Variants in DYSF observed in about 807,000 individuals in gnomAD.
The protein encoded by DYSF is dystrophy-associated fer-1-like 1.
A neutral mutation model predicts 274.9 loss-of-function variants in DYSF; 212 were observed. The observed-to-expected ratio is 0.77, with a 90% CI of 0.69 to 0.86. The LOEUF is 0.86. Among genes scored for constraint, DYSF ranks in the 40% least tolerant of loss-of-function variants. The pLI is 0.00. For missense variants in DYSF, 2,666 were observed against 2,783.2 expected (o/e 0.96, Z 0.95); for synonymous variants, 1,091 against 1,078.7 (o/e 1.01, Z -0.22).
chr2:71,511,889 C>T lies in DYSF; in HGVS notation c.428C>T (p.Ser143Phe), dbSNP rs777108651. Residue 143 changes from serine (S) to phenylalanine (F), a missense_variant, in exon 5 of 56, where the codon TCC becomes TTC. By Grantham distance (155) the Ser-to-Phe change is radical. This residue lies in a region of DYSF where 794 missense variants were observed against 777.1 expected (regional missense o/e 1.02). Transcript: ENST00000410020. ...LFPPPTPLEPSPTLPDLDVVA... is the reference protein window; with the variant it reads ...LFPPPTPLEPFPTLPDLDVVA... ...CCGCCCCCTACTCCTCTGGAGCCCT[C>T]CCCGACTCTGCCTGACCTGGATGTA... The T allele has an allele frequency of 6.4e-7, 1 of 1,551,290 alleles. No homozygotes were observed. The highest frequency in any genetic ancestry group is 1.2e-5 in the South Asian group (1 of 84,028).
rs1159294834 is a variant in DYSF, at chr2:71,582,106, CAA to C, written c.3403-7461_3403-7460del. 9.4e-3 allele frequency among the ~76,000 whole-genome samples: 331 copies of C among 35,080 alleles called. 1 individual carries two copies. The highest frequency in any genetic ancestry group is 0.035 in the East Asian group (42 of 1,190). 23.0% of individuals were successfully genotyped at this position (35,080 alleles called of 152,430 possible). A position where few individuals can be genotyped will look rare whatever the true frequency, so the allele number is the denominator to read the frequency against. ...TGGGAGACAGAAGGAGACTCCGTCT[CAA>C]AAAAAAAAAAAAAAAAAAAAAAAAA... On this transcript the variant is annotated intron_variant, in intron 30 of 55. Transcript: ENST00000410020.
At chr2:71,651,632 A>G (rs1247337835) in intron 42 of DYSF, among the ~76,000 whole-genome samples, 11 of 152,170 alleles carry the variant, frequency 7.2e-5, no homozygotes, top group Non-Finnish European at 4.4e-5. Flanking sequence ...CAGCAGAGAA[A>G]ATATTAAAAT....
At chr2:71,573,783 G>T (rs2152822345) in intron 29 of DYSF, among the ~76,000 whole-genome samples, 1 of 152,116 alleles carries the variant, frequency 6.6e-6, no homozygotes, top group East Asian at 1.9e-4. Flanking sequence ...GCAGCCCATG[G>T]AGCCTCCTCT....
At chr2:71,491,861 C>T (rs1163699104) in intron 3 of DYSF, among the ~76,000 whole-genome samples, 1 of 152,128 alleles carries the variant, frequency 6.6e-6, no homozygotes, top group Non-Finnish European at 1.5e-5. Flanking sequence ...GTGAATAGTG[C>T]TGCAATGAAC....
chr2:71,471,558 T>C (rs186123157), intron 1 of DYSF, among the ~76,000 whole-genome samples: 1 of 152,294 alleles, frequency 6.6e-6, no homozygotes, highest in African/African-American at 2.4e-5. Flanking sequence ...AGAATAACTA[T>C]GTAATATCAC....
chr2:71,683,170 G>T (rs1166654016), intron 55 of DYSF, among the ~76,000 whole-genome samples: 5 of 152,216 alleles, frequency 3.3e-5, no homozygotes, highest in African/African-American at 1.2e-4. Context: ...ACTCAATAGA[G>T]TGTGTCCTGC....
intron 16 of DYSF, among the ~76,000 whole-genome samples, chr2:71,537,218 G>GTTTTTTTTTTTTTTTTTTT (rs751063098): frequency 2.1e-5 from 1 of 47,704 alleles, no homozygotes; most frequent in Non-Finnish European, 4.9e-5. Context: ...TTACTTTCTA[G>GTTTTTTTTTTTTTTTTTTT]TTTTGTTTTT....
At position 71,630,089 on chromosome 2, in the gene DYSF, A is replaced by T. The variant is rs148416833; in HGVS notation, c.4527+9480A>T. Among the ~76,000 whole-genome samples, 603 of 151,836 alleles carry T rather than the reference A, an allele frequency of 4.0e-3. 2 individuals carry two copies. Among genetic ancestry groups the T allele is most frequent in the African/African-American group, 0.014 (586 of 41,362 alleles). ...TATCTTCTTTTTTTTCCTTGTGTTT[A>T]TCCTTACAGAGGGAAGTCCTTGCTT... On this transcript the variant is annotated intron_variant, in intron 41 of 55. Transcript: ENST00000410020.
chr2:71,481,360 TC>T (rs1255100923), intron 2 of DYSF, among the ~76,000 whole-genome samples: 2 of 152,182 alleles, frequency 1.3e-5, no homozygotes, highest in Non-Finnish European at 2.9e-5. Context: ...CATACATGGC[TC>T]CCGGGTGGTC....
At chr2:71,584,715 C>T (rs2093007858) in intron 30 of DYSF, among the ~76,000 whole-genome samples, 1 of 152,160 alleles carries the variant, frequency 6.6e-6, no homozygotes. Flanking sequence ...TATGTCTTGC[C>T]TGCATACATG....
chr2:71,544,456 GTTCT>G (rs1347635890), intron 17 of DYSF, among the ~76,000 whole-genome samples: 3 of 97,126 alleles, frequency 3.1e-5, no homozygotes, highest in African/African-American at 1.2e-4. Context: ...TTTTAAAAAT[GTTCT>G]TTTTTTTTTT....
At chr2:71,618,310 G>A (rs1044937009) in intron 40 of DYSF, among the ~76,000 whole-genome samples, 12 of 92,100 alleles carry the variant, frequency 1.3e-4, no homozygotes, top group South Asian at 3.9e-4. Flanking sequence ...GAGGTGGTGT[G>A]TGTGTGTGTG....
At position 71,611,344 on chromosome 2, in the gene DYSF, G is replaced by A. The variant is rs758993965; in HGVS notation, c.4057G>A (p.Glu1353Lys). ...GCCAGCGCTCCAGCGTACCGCCATC[G>A]AGGTGAGCCGTCCGGGCCTGGGCGT... ...IKPALQRTAI[E>K]ILAWGLRNMK... is the part of the protein sequence containing the mutation. Residue 1353 changes from glutamate to lysine, a missense_variant and splice_region_variant, in exon 37 of 56, where the codon GAG (glutamate) becomes AAG (lysine). By Grantham distance (56) the Glu-to-Lys change is moderately conservative (BLOSUM62 1). Transcript: ENST00000410020. 4.3e-6 allele frequency: 7 copies of A among 1,613,632 alleles called. No individual in the cohort carries two copies. In the Admixed American group the frequency reaches 5.0e-5, roughly 12 times the overall value.
intron 41 of DYSF, among the ~76,000 whole-genome samples, chr2:71,634,367 A>T (rs1270384948): frequency 6.6e-6 from 1 of 152,208 alleles, no homozygotes; most frequent in Non-Finnish European, 1.5e-5. Context: ...GGAATATGGG[A>T]TTCCATTAAC....
At chr2:71,533,961 C>G (rs1463598812) in intron 14 of DYSF, among the ~76,000 whole-genome samples, 2 of 152,204 alleles carry the variant, frequency 1.3e-5, no homozygotes, top group Admixed American at 6.5e-5. Flanking sequence ...TCGTTGGTCT[C>G]TCTTCTTTCC....
At chr2:71,501,714 T>A (rs1008651081) in intron 3 of DYSF, among the ~76,000 whole-genome samples, 1 of 152,248 alleles carries the variant, frequency 6.6e-6, no homozygotes, top group Non-Finnish European at 1.5e-5. Flanking sequence ...GGTCCATCCA[T>A]GTTGTAGCAT....
chr2:71,676,888 T>C (rs1436977821), intron 52 of DYSF, among the ~76,000 whole-genome samples: 1 of 151,918 alleles, frequency 6.6e-6, no homozygotes, highest in East Asian at 1.9e-4. Context: ...TGTGTTTCCT[T>C]ACAGTCTTTT....
chr2:71,502,897 G>C (rs2085126943), intron 3 of DYSF, among the ~76,000 whole-genome samples: 1 of 152,184 alleles, frequency 6.6e-6, no homozygotes, highest in Non-Finnish European at 1.5e-5. Flanking sequence ...GGGCTCATGG[G>C]AAGACAACCC....
chr2:71,487,277 GT>G (rs1399516608), intron 3 of DYSF, among the ~76,000 whole-genome samples: 1 of 152,206 alleles, frequency 6.6e-6, no homozygotes, highest in Admixed American at 6.5e-5. Flanking sequence ...TGGCTACTGT[GT>G]TGGACAGAGC....
Sources: allele counts gnomAD v4.1 joint callset (sites outside exome capture counted in the v4.1 genomes callset), GRCh38; gene constraint gnomAD v4.1.1; regional missense constraint gnomAD v4.1.1; transcripts MANE v1.5; gene names NCBI Gene and HGNC (gene_info 2026-07-23, HGNC 2026-07-21).